ZFHX3: variants seen among roughly 807,000 people sequenced by gnomAD.
The protein encoded by ZFHX3 is zinc finger homeobox protein 3.
In ZFHX3, 42 loss-of-function variants were observed where a neutral mutation model predicts 279.1. The observed-to-expected ratio is 0.15, with a 90% confidence interval of 0.12 to 0.19. The LOEUF is 0.19. ZFHX3 is among the 10% of genes least tolerant of loss of function. ZFHX3 has a pLI of 1.00. For missense variants in ZFHX3, 4,981 were observed against 4,754.0 expected, an observed-to-expected ratio of 1.05 and a Z score of -1.40; for synonymous variants, 2,293 against 1,957.8, an observed-to-expected ratio of 1.17 and a Z score of -4.52.
At chr16:73,354,644 C>A (rs1026814957) in intron 3 of ZFHX3, among the ~76,000 whole-genome samples, 1 of 152,202 alleles carries the variant, frequency 6.6e-6, no homozygotes, top group African/African-American at 2.4e-5. Flanking sequence ...AACAGGAGGC[C>A]AAGAATTTTC....
intron 1 of ZFHX3, among the ~76,000 whole-genome samples, chr16:73,700,124 G>C (rs189631215): frequency 6.6e-6 from 1 of 152,034 alleles, no homozygotes; most frequent in African/African-American, 2.4e-5. Flanking sequence ...GTGAAAGGCC[G>C]ATGTGGGAGG....
chr16:73,621,761 G>T (rs770324077), intron 2 of ZFHX3, among the ~76,000 whole-genome samples: 1 of 152,192 alleles, frequency 6.6e-6, no homozygotes, highest in Non-Finnish European at 1.5e-5. Context: ...AGAGAGAAAG[G>T]TTTGATCAGC....
chr16:72,831,159 C>T (rs1015307151), intron 4 of ZFHX3, among the ~76,000 whole-genome samples: 4 of 152,016 alleles, frequency 2.6e-5, no homozygotes, highest in Admixed American at 1.3e-4. Flanking sequence ...ATGTATCTCA[C>T]GAAGGAAGTA....
chr16:73,386,675 G>C (rs2016907912), intron 3 of ZFHX3: 1 of 151,398 alleles, frequency 6.6e-6, no homozygotes, highest in Non-Finnish European at 1.5e-5. Flanking sequence ...GCTACTTAAA[G>C]AAGGGGTTCA....
intron 5 of ZFHX3, among the ~76,000 whole-genome samples, chr16:72,821,057 A>G (rs1317440089): frequency 6.6e-6 from 1 of 152,200 alleles, no homozygotes; most frequent in Non-Finnish European, 1.5e-5. Context: ...CTAAAATACT[A>G]AATTTTAAGA....
intron 4 of ZFHX3, among the ~76,000 whole-genome samples, chr16:73,266,286 T>C (rs1335221028): frequency 6.6e-6 from 1 of 152,248 alleles, no homozygotes; most frequent in East Asian, 1.9e-4. Flanking sequence ...TGGGTGGGTA[T>C]GGAATGTTAC....
At chr16:73,857,679 G>A (rs918561439) in intron 1 of ZFHX3, among the ~76,000 whole-genome samples, 6 of 152,132 alleles carry the variant, frequency 3.9e-5, no homozygotes, top group East Asian at 1.9e-4. Flanking sequence ...CTGCACTTGC[G>A]CTAGGGTTTT....
chr16:73,000,129 G>A (rs1320823708), intron 1 of ZFHX3, among the ~76,000 whole-genome samples: 5 of 152,154 alleles, frequency 3.3e-5, no homozygotes, highest in Non-Finnish European at 5.9e-5. Flanking sequence ...GGGCCCACCC[G>A]AGTAAGTATC....
chr16:72,819,562 A>T (rs1488075538), intron 5 of ZFHX3, among the ~76,000 whole-genome samples: 1 of 152,198 alleles, frequency 6.6e-6, no homozygotes, highest in Admixed American at 6.5e-5. Context: ...TCCAGGGACG[A>T]CACTTTGAGA....
At chr16:73,606,737 G>A (rs1010601823) in intron 2 of ZFHX3, among the ~76,000 whole-genome samples, 26 of 152,084 alleles carry the variant, frequency 1.7e-4, no homozygotes, top group Non-Finnish European at 2.5e-4. Flanking sequence ...GCTACTTCCC[G>A]CCCTCCCCTG....
At chr16:73,527,655 G>A (rs1176495599) in intron 2 of ZFHX3, among the ~76,000 whole-genome samples, 1 of 152,184 alleles carries the variant, frequency 6.6e-6, no homozygotes, top group Non-Finnish European at 1.5e-5. Flanking sequence ...TGTCTTCCTT[G>A]CTCTCTTTCA....
chr16:73,485,277 T>C (rs931438372), intron 2 of ZFHX3, among the ~76,000 whole-genome samples: 2 of 152,146 alleles, frequency 1.3e-5, no homozygotes, highest in Admixed American at 6.5e-5. Flanking sequence ...TACTGGTTTC[T>C]TTCCTTTGTG....
chr16:73,655,061 A>G (rs2052710080), intron 2 of ZFHX3, among the ~76,000 whole-genome samples: 1 of 152,170 alleles, frequency 6.6e-6, no homozygotes, highest in Admixed American at 6.5e-5. Flanking sequence ...GGGTTTTGCC[A>G]TGTTGGCCAG....
chr16:73,774,590 C>T (rs1415016612), intron 1 of ZFHX3, among the ~76,000 whole-genome samples: 1 of 152,292 alleles, frequency 6.6e-6, no homozygotes, highest in Admixed American at 6.5e-5. Context: ...CTTGTCTATG[C>T]ACCCCCCAAA....
At chr16:73,628,082 A>G (rs1179884247) in intron 2 of ZFHX3, among the ~76,000 whole-genome samples, 3 of 152,086 alleles carry the variant, frequency 2.0e-5, no homozygotes, top group Non-Finnish European at 1.5e-5. Context: ...TCCTAGCACA[A>G]TGGTATCTAT....
At chr16:73,738,368 A>C (rs2053626205) in intron 1 of ZFHX3, among the ~76,000 whole-genome samples, 1 of 152,234 alleles carries the variant, frequency 6.6e-6, no homozygotes, top group African/African-American at 2.4e-5. Flanking sequence ...CAGCAAGATC[A>C]CTGCGACTAA....
At chr16:73,721,918 G>A (rs1284663069) in intron 1 of ZFHX3, among the ~76,000 whole-genome samples, 2 of 152,126 alleles carry the variant, frequency 1.3e-5, no homozygotes, top group Non-Finnish European at 1.5e-5. Context: ...GATGATGCAA[G>A]CCTGTAGTCC....
chr16:73,245,450 C>T (rs2013252390), intron 5 of ZFHX3, among the ~76,000 whole-genome samples: 1 of 152,206 alleles, frequency 6.6e-6, no homozygotes, highest in South Asian at 2.1e-4. Flanking sequence ...TCCAAATTTT[C>T]AACACTGTGT....
At chr16:72,957,295 C>A in intron 2 of ZFHX3, 132 bp downstream of exon 2, 1 of 1,023,262 alleles carries the variant, frequency 9.8e-7, no homozygotes, top group South Asian at 1.6e-5. Context: ...GATTGTAAGA[C>A]ACTCCAGTTT....
Sources: gnomAD v4.1 joint callset for allele counts (sites outside exome capture counted in the v4.1 genomes callset) on GRCh38, gnomAD v4.1.1 for gene constraint, MANE v1.5 for transcripts, NCBI Gene and HGNC (gene_info 2026-07-23, HGNC 2026-07-21) for gene names.